RBM10: variants seen among roughly 807,000 people sequenced by gnomAD.
RBM10 encodes RNA binding motif protein 10, also known as RNA-binding protein 10.
RBM10 carries 1 observed loss-of-function variant against 84.9 expected under a neutral mutation model. That is an observed-to-expected ratio of 0.01 (90% CI 0.00 to 0.06). RBM10 has a LOEUF of 0.06. RBM10 is among the 10% of genes least tolerant of loss of function. RBM10 has a pLI of 1.00. For synonymous variants in RBM10, 326 were observed against 344.5 expected, an observed-to-expected ratio of 0.95 and a Z score of 0.60; for missense variants, 438 against 839.0, an observed-to-expected ratio of 0.52 and a Z score of 5.90.
At chrX:47,149,309 C>T (rs146015618) in intron 2 of RBM10, among the ~76,000 whole-genome samples, 2 of 111,367 alleles carry the variant, frequency 1.8e-5, no homozygotes, top group Non-Finnish European at 3.8e-5. Flanking sequence ...AGGCATGAGC[C>T]GCTGTAACTG....
intron 2 of RBM10, among the ~76,000 whole-genome samples, chrX:47,158,460 G>T (rs1294221027): frequency 1.8e-5 from 2 of 112,240 alleles, no homozygotes; most frequent in Non-Finnish European, 3.8e-5. Context: ...CTGGAGTACA[G>T]TGGTGCGATC....
intron 2 of RBM10, among the ~76,000 whole-genome samples, chrX:47,167,378 C>CTTTT (rs59244074): frequency 1.1e-5 from 1 of 88,502 alleles, no homozygotes; most frequent in East Asian, 3.4e-4. Flanking sequence ...GATTTCATTT[C>CTTTT]TTTTTTTTTT....
intron 7 of RBM10, among the ~76,000 whole-genome samples, chrX:47,178,320 G>T (rs781916017): frequency 9.0e-6 from 1 of 111,371 alleles, no homozygotes; most frequent in South Asian, 3.8e-4. Flanking sequence ...CCCCAGCAAG[G>T]CTTAACAAAA....
At position 47,147,502 on chromosome X, in the gene RBM10, AGTTATCT is replaced by A; in HGVS notation, c.17+8_17+14del. ...AGGACATGGAGTATGAAAGACGGTG[AGTTATCT>A]GTTCTCAGCTTCCCAGACAGCCTAG... On this transcript the variant is annotated splice_donor_5th_base_variant and intron_variant, in intron 2 of 23. Coordinates refer to ENST00000377604, the MANE Select transcript of RBM10 (RefSeq NM_005676.5). 8.3e-7 allele frequency: 1 copy of A among 1,211,421 alleles called. No individual in the cohort carries two copies. Among genetic ancestry groups the A allele is most frequent in the Non-Finnish European group, 1.1e-6 (1 of 895,117 alleles).
At chrX:47,177,823 G>A (rs1602578844) in intron 7 of RBM10, among the ~76,000 whole-genome samples, 1 of 110,927 alleles carries the variant, frequency 9.0e-6, no homozygotes, top group East Asian at 2.8e-4. Context: ...CGTCATGTTT[G>A]CCAGGCTGGT....
At chrX:47,169,868 A>G (rs1934513535) in intron 3 of RBM10, among the ~76,000 whole-genome samples, 2 of 112,103 alleles carry the variant, frequency 1.8e-5, no homozygotes, top group Admixed American at 1.9e-4. Flanking sequence ...GGTTGGGAGG[A>G]CAACAAGGGG....
At chrX:47,171,318 A>C (rs1191582995) in intron 4 of RBM10, 60 bp downstream of exon 4, 1 of 1,183,501 alleles carries the variant, frequency 8.4e-7, no homozygotes, top group African/African-American at 1.8e-5. Context: ...AGGGCCCTCA[A>C]CTTCTCCCCA....
chrX:47,171,048 G>A lies in RBM10; in HGVS notation c.222G>A (p.Pro74=), dbSNP rs781806041. Residue 74 remains proline, a synonymous_variant, in exon 4 of 24, where the codon CCG becomes CCA. Coordinates refer to ENST00000377604, the MANE Select transcript of RBM10 (RefSeq NM_005676.5). The part of the protein sequence containing the change: ...QSAEDSYEAS[P]GSETQRRRRR... ...GCCAGGATTCCTACGAGGCCTCCCC[G>A]GGCTCCGAGACTCAGCGTAGGCGGC... 7 of 1,209,242 alleles carry A rather than the reference G, an allele frequency of 5.8e-6. No homozygotes were observed. The highest frequency in any genetic ancestry group is 5.3e-5 in the African/African-American group (3 of 57,105).
At chrX:47,154,264 T>A (rs1021624564) in intron 2 of RBM10, among the ~76,000 whole-genome samples, 1 of 111,670 alleles carries the variant, frequency 9.0e-6, no homozygotes, top group African/African-American at 3.3e-5. Flanking sequence ...GGTGGCCAAT[T>A]AAAAATATTC....
intron 7 of RBM10, among the ~76,000 whole-genome samples, chrX:47,177,029 C>A (rs1935202355): frequency 8.9e-6 from 1 of 111,813 alleles, no homozygotes; most frequent in African/African-American, 3.3e-5. Flanking sequence ...CTCTCTTTGC[C>A]TCACTTTCCC....
intron 17 of RBM10, 146 bp downstream of exon 17, chrX:47,182,472 C>A: frequency 1.1e-6 from 1 of 903,928 alleles, no homozygotes; most frequent in Non-Finnish European, 1.6e-6. Flanking sequence ...CATGCTCTTG[C>A]CCCAGCTCTG....
At chrX:47,155,220 C>T (rs947066197) in intron 2 of RBM10, among the ~76,000 whole-genome samples, 19 of 107,874 alleles carry the variant, frequency 1.8e-4, no homozygotes, top group Non-Finnish European at 3.3e-4. Context: ...ATTTTGTTCA[C>T]AGCAGTATCC....
rs373422332 is a variant in RBM10 at position 47,185,007 on chromosome X, C to G, written c.1951-48C>G. On this transcript the variant is annotated intron_variant, in intron 17 of 23. Coordinates refer to ENST00000377604, the MANE Select transcript of RBM10 (RefSeq NM_005676.5). The stretch of plus-strand genomic sequence containing the variant: ...GGGTCAGCAGATAGAGTTAGTAGCC[C>G]CAGGGTCATGAGGGTTCTGGGAACC... The G allele has an allele frequency of 5.9e-6, 7 of 1,177,053 alleles. No homozygotes were observed. The African/African-American group carries it at 1.3e-4, about 21-fold the overall frequency.
chrX:47,183,498 G>A (rs1418806312), intron 17 of RBM10, among the ~76,000 whole-genome samples: 1 of 109,020 alleles, frequency 9.2e-6, no homozygotes, highest in Non-Finnish European at 1.9e-5. Context: ...TCCAGCCTGG[G>A]CAACAAGAAC....
intron 7 of RBM10, among the ~76,000 whole-genome samples, chrX:47,178,720 C>G (rs910048195): frequency 1.8e-5 from 2 of 112,087 alleles, no homozygotes; most frequent in Non-Finnish European, 3.8e-5. Flanking sequence ...AGGGCTGAAA[C>G]ACTGAAAGGT....
intron 2 of RBM10, among the ~76,000 whole-genome samples, chrX:47,153,050 T>A (rs782111172): frequency 9.0e-6 from 1 of 110,853 alleles, no homozygotes; most frequent in East Asian, 2.8e-4. Flanking sequence ...TTTTCCATGT[T>A]GATCAGGCTG....
chrX:47,149,580 G>A (rs1406364156), intron 2 of RBM10, among the ~76,000 whole-genome samples: 3 of 105,095 alleles, frequency 2.9e-5, no homozygotes, highest in Admixed American at 1.0e-4. Flanking sequence ...GGCTGGTCTC[G>A]AACTCTCGAC....
Position 47,186,671 on chromosome X carries a change from G to T in RBM10, c.*72G>T. 1 of 1,163,524 alleles carries T rather than the reference G, an allele frequency of 8.6e-7. No individual in the cohort carries two copies. The highest frequency in any genetic ancestry group is 1.2e-6 in the Non-Finnish European group (1 of 854,475). ...GCAGGGAAGGACAGAGTGTTGGATG[G>T]CTGGGACGGGGCCTTGCTCTTGTCG... On this transcript the variant is annotated 3_prime_UTR_variant, in exon 24 of 24. Transcript: ENST00000377604.
chrX:47,149,003 CAT>C (rs1360194856), intron 2 of RBM10, among the ~76,000 whole-genome samples: 6 of 109,035 alleles, frequency 5.5e-5, no homozygotes, highest in Non-Finnish European at 1.1e-4. Context: ...ATAAATGTAT[CAT>C]ATAGATACAT....
Sources: gnomAD v4.1 joint callset for allele counts (sites outside exome capture counted in the v4.1 genomes callset) on GRCh38, gnomAD v4.1.1 for gene constraint, MANE v1.5 for transcripts, NCBI Gene and HGNC (gene_info 2026-07-23, HGNC 2026-07-21) for gene names.